Variants in ERC1 observed in about 807,000 individuals in gnomAD.
The protein encoded by ERC1 is ELKS/RAB6-interacting/CAST family member 1.
A neutral mutation model predicts 132.0 loss-of-function variants in ERC1; 56 were observed. The ratio of observed to expected loss-of-function variants is 0.42; its 90% CI spans 0.34 to 0.53. The LOEUF (loss-of-function observed/expected upper bound fraction) is 0.53, where lower values mean the gene tolerates loss of function less well. Ranked by LOEUF, ERC1 falls within the 20% of genes least tolerant of loss-of-function variation. ERC1 has a pLI of 0.03. For synonymous variants in ERC1, 478 were observed against 476.1 expected, an observed-to-expected ratio of 1.00 and a Z score of -0.05; for missense variants, 1,202 against 1,349.9, an observed-to-expected ratio of 0.89 and a Z score of 1.72.
intron 3 of ERC1, among the ~76,000 whole-genome samples, chr12:1,091,887 C>T (rs1286057406): frequency 6.6e-6 from 1 of 151,862 alleles, no homozygotes; most frequent in Non-Finnish European, 1.5e-5. Context: ...ATATCACTAG[C>T]GTATCAGGAA....
chr12:1,172,566 C>G (rs1053901008), intron 8 of ERC1, among the ~76,000 whole-genome samples: 6 of 152,056 alleles, frequency 3.9e-5, no homozygotes, highest in Middle Eastern at 3.2e-3. Flanking sequence ...TTGGGTATCA[C>G]CCCCCTTCTA....
intron 12 of ERC1, among the ~76,000 whole-genome samples, chr12:1,198,366 C>A (rs1370538989): frequency 6.6e-6 from 1 of 152,172 alleles, no homozygotes; most frequent in African/African-American, 2.4e-5. Context: ...TTCAGGTCCT[C>A]CAACTCTAGT....
intron 2 of ERC1, among the ~76,000 whole-genome samples, chr12:1,054,547 C>T (rs970122423): frequency 6.6e-5 from 10 of 151,730 alleles, no homozygotes; most frequent in African/African-American, 7.3e-5. Context: ...TTAGGCAAAA[C>T]GGATGGCAGT....
At chr12:1,214,747 C>T (rs537037628) in intron 12 of ERC1, among the ~76,000 whole-genome samples, 12 of 152,064 alleles carry the variant, frequency 7.9e-5, no homozygotes, top group African/African-American at 2.7e-4. Flanking sequence ...TAACCTCTTG[C>T]AGTGTGCCAA....
At chr12:1,407,317 G>A (rs2091562070) in intron 16 of ERC1, among the ~76,000 whole-genome samples, 1 of 152,060 alleles carries the variant, frequency 6.6e-6, no homozygotes, top group African/African-American at 2.4e-5. Flanking sequence ...ACTTCTGTCT[G>A]AACACCTCAC....
intron 2 of ERC1, among the ~76,000 whole-genome samples, chr12:1,063,450 G>A (rs763140007): frequency 4.2e-4 from 64 of 152,176 alleles, no homozygotes; most frequent in Middle Eastern, 3.4e-3. Flanking sequence ...TAGTAGAGAC[G>A]GGGTTTTCAC....
chr12:1,170,542 G>A (rs116210280), intron 8 of ERC1, among the ~76,000 whole-genome samples: 334 of 152,200 alleles, frequency 2.2e-3, no homozygotes, highest in African/African-American at 7.7e-3. Flanking sequence ...AAGGATTGCC[G>A]TTGTGGATTT....
At chr12:1,221,195 A>G (rs200795651) in intron 12 of ERC1, among the ~76,000 whole-genome samples, 248 of 152,328 alleles carry the variant, frequency 1.6e-3, no homozygotes, top group African/African-American at 5.7e-3. Context: ...CACCTGGCCC[A>G]TAGAAGCTTT....
intron 1 of ERC1, among the ~76,000 whole-genome samples, chr12:1,011,708 C>T (rs763928234): frequency 2.0e-5 from 3 of 152,072 alleles, no homozygotes; most frequent in Admixed American, 6.6e-5. Context: ...TCAAGTTGGG[C>T]GGATCACCTG....
chr12:1,394,033 A>C (rs147616013), intron 16 of ERC1, among the ~76,000 whole-genome samples: 1 of 124,238 alleles, frequency 8.0e-6, no homozygotes, highest in Non-Finnish European at 1.7e-5. Flanking sequence ...AAAAAAAAAA[A>C]CAAAAAAAAA....
Position 1,057,192 on chromosome 12 carries a change from C to T in ERC1, c.670-25972C>T, listed in dbSNP as rs376371998. Among the ~76,000 whole-genome samples the T allele has an allele frequency of 1.8e-4, 28 of 152,194 alleles. 1 individual carries two copies. The East Asian group carries it at 2.7e-3, about 15-fold the overall frequency. On this transcript the variant is annotated intron_variant, in intron 2 of 18. Coordinates refer to ENST00000360905, the MANE Select transcript of ERC1 (RefSeq NM_178040.4). ...CTCTCACTTTGTCAGCGCGATCTCT[C>T]GGCTCACTGCAACCACCGCCTCCAG...
intron 15 of ERC1, among the ~76,000 whole-genome samples, chr12:1,309,956 G>C (rs1392876147): frequency 6.7e-6 from 1 of 149,134 alleles, no homozygotes; most frequent in Non-Finnish European, 1.5e-5. Context: ...GTTTTGTTTT[G>C]TTTTGTTTTG....
chr12:1,110,669 A>G (rs1465018113), intron 5 of ERC1, among the ~76,000 whole-genome samples: 2 of 152,186 alleles, frequency 1.3e-5, no homozygotes, highest in Non-Finnish European at 2.9e-5. Flanking sequence ...ATGAAACATC[A>G]GGTTCTTTAC....
intron 1 of ERC1, among the ~76,000 whole-genome samples, chr12:1,009,923 A>G (rs559536151): frequency 1.3e-5 from 2 of 152,194 alleles, no homozygotes; most frequent in Non-Finnish European, 2.9e-5. Context: ...CTGCAATACA[A>G]ATCTCTTCTG....
intron 13 of ERC1, among the ~76,000 whole-genome samples, chr12:1,262,658 G>A (rs780285318): frequency 3.3e-5 from 5 of 152,080 alleles, no homozygotes; most frequent in East Asian, 1.9e-4. Flanking sequence ...TTTGATATTC[G>A]GTCGAATTAC....
intron 17 of ERC1, chr12:1,410,470 CT>C: frequency 8.0e-7 from 1 of 1,243,910 alleles, no homozygotes; most frequent in East Asian, 4.7e-5. Context: ...AACAGCTTTC[CT>C]TAACTATAGA....
At chr12:993,371 C>G (rs1163003225) in intron 1 of ERC1, among the ~76,000 whole-genome samples, 3 of 152,158 alleles carry the variant, frequency 2.0e-5, no homozygotes, top group African/African-American at 7.2e-5. Flanking sequence ...GATTCTTGTC[C>G]TTGTAGGAAT....
At chr12:1,482,855 C>T (rs1777780348) in intron 18 of ERC1, among the ~76,000 whole-genome samples, 1 of 152,124 alleles carries the variant, frequency 6.6e-6, no homozygotes, top group South Asian at 2.1e-4. Context: ...CAGCCATCAC[C>T]ATAGTCAATT....
chr12:1,137,445 TTAAC>T (rs1490059667), intron 7 of ERC1, among the ~76,000 whole-genome samples: 5 of 152,060 alleles, frequency 3.3e-5, no homozygotes, highest in Middle Eastern at 3.2e-3. Context: ...GGTAAACTAT[TTAAC>T]TACGCTGAGT....
Sources: gnomAD v4.1 joint callset for allele counts (sites outside exome capture counted in the v4.1 genomes callset) on GRCh38, gnomAD v4.1.1 for gene constraint, MANE v1.5 for transcripts, NCBI Gene and HGNC (gene_info 2026-07-23, HGNC 2026-07-21) for gene names.